VAC14: variants seen among roughly 807,000 people sequenced by gnomAD.
VAC14 encodes the protein protein VAC14 homolog.
Under a neutral mutation model 85.3 loss-of-function variants are expected in VAC14, and 47 were observed. The observed-to-expected ratio is 0.55, with a 90% CI of 0.44 to 0.70. The LOEUF is 0.70. Ranked by LOEUF, VAC14 falls within the 30% of genes least tolerant of loss-of-function variation. The pLI is 0.00. For synonymous variants in VAC14, 447 were observed against 430.5 expected (o/e 1.04, Z -0.47); for missense variants, 861 against 1,004.3 (o/e 0.86, Z 1.93).
At chr16:70,781,066 T>G (rs1460385444) in intron 8 of VAC14, 127 bp from the exon 9 acceptor site, 1 of 1,352,186 alleles carries the variant, frequency 7.4e-7, no homozygotes, top group African/African-American at 1.4e-5. Flanking sequence ...TGGGGGTGGA[T>G]CCCTCACAAA....
chr16:70,715,207 C>T (rs2054137562), intron 14 of VAC14: 1 of 152,290 alleles, frequency 6.6e-6, no homozygotes, highest in Non-Finnish European at 1.5e-5. Context: ...GTCAGAAACA[C>T]CTCCCCCACT....
intron 1 of VAC14, among the ~76,000 whole-genome samples, chr16:70,794,199 T>A (rs2034448010): frequency 6.6e-6 from 1 of 152,188 alleles, no homozygotes; most frequent in Non-Finnish European, 1.5e-5. Flanking sequence ...CTTTTGTATA[T>A]TCACGAAGCT....
In VAC14 at chr16:70,705,714, G is replaced by A. The variant is rs528499681; in HGVS notation, c.1662-6903C>T. Among the ~76,000 whole-genome samples the A allele has an allele frequency of 5.3e-5, 8 of 152,108 alleles. No individual in the cohort carries two copies. The South Asian group carries it at 1.5e-3, about 28-fold the overall frequency. On this transcript the variant is annotated intron_variant, in intron 14 of 18. Transcript: ENST00000261776. ...CTCTACTCCAGCCCTCACTGGCCCCGCAACGCTGCCCTCCCCATGATGAAC... is the reference window on the plus strand; with the variant it reads ...CTCTACTCCAGCCCTCACTGGCCCCACAACGCTGCCCTCCCCATGATGAAC...
chr16:70,771,873 G>A, intron 10 of VAC14: 2 of 509,892 alleles, frequency 3.9e-6, no homozygotes, highest in Non-Finnish European at 7.0e-6. Context: ...AAGCCACCAT[G>A]TCTGGCCCCC....
At position 70,721,373 on chromosome 16, in the gene VAC14, G is replaced by C. The variant is rs527629727; in HGVS notation, c.1661+10122C>G. Among the ~76,000 whole-genome samples, 3 of 152,176 alleles carry C rather than the reference G, an allele frequency of 2.0e-5. No individual in the cohort carries two copies. In the South Asian group the frequency reaches 6.2e-4, roughly 32 times the overall value. The stretch of plus-strand genomic sequence containing the variant: ...GGAGAAACAGGAAGCCGAGGAAGAG[G>C]AGGAGAAAGAAGAGGAAGAGGAGGA... On this transcript the variant is annotated intron_variant, in intron 14 of 18. Coordinates refer to ENST00000261776, the MANE Select transcript of VAC14 (RefSeq NM_018052.5).
chr16:70,688,714 C>A (rs975033758), intron 18 of VAC14: 51 of 985,470 alleles, frequency 5.2e-5, no homozygotes, highest in Non-Finnish European at 6.1e-5. Flanking sequence ...TGTACAGCAA[C>A]ACAGGTTGTG....
intron 10 of VAC14, chr16:70,766,663 G>A (rs112073196): frequency 7.5e-5 from 27 of 361,168 alleles, no homozygotes; most frequent in Middle Eastern, 6.5e-4. Flanking sequence ...CCCTGGGCTG[G>A]AGACACTCTC....
chr16:70,781,580 C>T (rs907088381), intron 8 of VAC14, among the ~76,000 whole-genome samples: 5 of 152,144 alleles, frequency 3.3e-5, no homozygotes, highest in Non-Finnish European at 5.9e-5. Flanking sequence ...AACAGGATCT[C>T]CCCAGCCCAA....
chr16:70,777,337 C>T (rs2033572778), intron 9 of VAC14, among the ~76,000 whole-genome samples: 2 of 152,202 alleles, frequency 1.3e-5, no homozygotes, highest in South Asian at 2.1e-4. Flanking sequence ...AAACACACAA[C>T]CACACTATAG....
intron 1 of VAC14, among the ~76,000 whole-genome samples, chr16:70,791,491 C>T (rs192517681): frequency 1.6e-4 from 24 of 152,232 alleles, no homozygotes; most frequent in African/African-American, 5.8e-4. Flanking sequence ...TTCAAGCGAT[C>T]CTCCTGCCTC....
At chr16:70,745,894 G>C (rs538409688) in intron 12 of VAC14, among the ~76,000 whole-genome samples, 78 of 152,340 alleles carry the variant, frequency 5.1e-4, no homozygotes, top group Non-Finnish European at 8.7e-4. Flanking sequence ...GGCCAGGACC[G>C]GCCAGGTGGC....
chr16:70,762,556 G>A lies in VAC14; in HGVS notation c.1355C>T (p.Ser452Leu), dbSNP rs200148827. The change falls in exon 12 of 19, where the codon TCG (serine) becomes TTG (leucine). Residue 452 changes from serine (S) to leucine (L), a missense_variant. By Grantham distance (145) the Ser-to-Leu change is moderately radical (BLOSUM62 -2). Around this residue, in one of 3 missense-constraint regions of VAC14, gnomAD observed 629 missense variants for 703.1 expected, o/e 0.89. Coordinates refer to ENST00000261776, the MANE Select transcript of VAC14 (RefSeq NM_018052.5). The surrounding 1 kb of genome is among the most constrained non-coding windows in gnomAD (Gnocchi z 4.1). ...SLFPILLQTL[S>L]DESDEVILKD... ...GTGACCTACCTCATCCGATTCATCC[G>A]ATAACGTCTGCAGTAGGATGGGAAA... The A allele has an allele frequency of 4.3e-6, 7 of 1,614,116 alleles. No individual in the cohort carries two copies. Among genetic ancestry groups the A allele is most frequent in the Admixed American group, 3.3e-5 (2 of 60,026 alleles).
intron 1 of VAC14, among the ~76,000 whole-genome samples, chr16:70,789,563 T>C (rs2034236674): frequency 6.6e-6 from 1 of 152,192 alleles, no homozygotes; most frequent in African/African-American, 2.4e-5. Context: ...CCGGGTTCGA[T>C]TCCCGGCCAA....
At chr16:70,766,510 C>T (rs959430817) in intron 10 of VAC14, 8 of 456,672 alleles carry the variant, frequency 1.8e-5, no homozygotes, top group East Asian at 6.9e-5. Flanking sequence ...GCGGTCCTGC[C>T]GCACTCAACC....
At chr16:70,786,101 A>T (rs1598012423) in intron 2 of VAC14, 114 bp downstream of exon 2, 1 of 1,494,192 alleles carries the variant, frequency 6.7e-7, no homozygotes, top group East Asian at 2.3e-5. Context: ...ACAGAGTGGT[A>T]ATAAAACATA....
chr16:70,765,606 C>A (rs994157314), intron 10 of VAC14, among the ~76,000 whole-genome samples: 2 of 152,164 alleles, frequency 1.3e-5, no homozygotes, highest in Non-Finnish European at 2.9e-5. Context: ...ATGGTGGGGC[C>A]GCACTTTGGA....
intron 12 of VAC14, chr16:70,747,127 C>G (rs1597927682): frequency 1.3e-5 from 2 of 152,116 alleles, no homozygotes; most frequent in Admixed American, 6.5e-5. Context: ...GTGGCACATC[C>G]ACACCAGGGA....
chr16:70,737,855 A>G (rs1597910490), intron 13 of VAC14, among the ~76,000 whole-genome samples: 2 of 152,360 alleles, frequency 1.3e-5, no homozygotes, highest in Non-Finnish European at 2.9e-5. Context: ...CAACAGAACC[A>G]GATGTGAAAA....
chr16:70,710,109 G>A (rs774703792), intron 14 of VAC14, among the ~76,000 whole-genome samples: 10 of 152,220 alleles, frequency 6.6e-5, no homozygotes, highest in South Asian at 2.1e-4. Context: ...CCTGCCACCC[G>A]CATGGGACAG....
Sources: allele counts gnomAD v4.1 joint callset (sites outside exome capture counted in the v4.1 genomes callset), GRCh38; gene constraint gnomAD v4.1.1; regional missense constraint gnomAD v4.1.1; non-coding constraint Gnocchi (gnomAD v3.1); transcripts MANE v1.5; gene names NCBI Gene and HGNC (gene_info 2026-07-23, HGNC 2026-07-21).